Variants in CNTNAP2 observed in about 807,000 individuals in gnomAD.
CNTNAP2 encodes contactin-associated protein-like 2.
A neutral mutation model predicts 155.2 loss-of-function variants in CNTNAP2; 98 were observed. The observed-to-expected ratio is 0.63, with a 90% CI of 0.54 to 0.75. The LOEUF (loss-of-function observed/expected upper bound fraction) is 0.75. Ranked by LOEUF, CNTNAP2 falls within the 30% of genes least tolerant of loss-of-function variation. The pLI is 0.00. For missense variants in CNTNAP2, 1,727 were observed against 1,688.1 expected, an observed-to-expected ratio of 1.02 and a Z score of -0.40; for synonymous variants, 651 against 631.2, an observed-to-expected ratio of 1.03 and a Z score of -0.47.
intron 11 of CNTNAP2, among the ~76,000 whole-genome samples, chr7:147,549,911 A>T (rs141277550): frequency 1.3e-5 from 2 of 152,352 alleles, no homozygotes; most frequent in African/African-American, 4.8e-5. Flanking sequence ...CACATGCTGT[A>T]TAAAGCAATA....
At chr7:147,518,651 T>C (rs1437910270) in intron 11 of CNTNAP2, among the ~76,000 whole-genome samples, 1 of 152,250 alleles carries the variant, frequency 6.6e-6, no homozygotes, top group Non-Finnish European at 1.5e-5. Context: ...TGAACGAATG[T>C]AGCCAGGCTT....
intron 1 of CNTNAP2, among the ~76,000 whole-genome samples, chr7:146,544,396 C>A (rs1268948633): frequency 6.6e-6 from 1 of 151,974 alleles, no homozygotes; most frequent in East Asian, 1.9e-4. Context: ...AGGCCTTTGC[C>A]TTTAACAGCA....
chr7:146,657,772 A>C (rs1163578777), intron 1 of CNTNAP2, among the ~76,000 whole-genome samples: 1 of 152,158 alleles, frequency 6.6e-6, no homozygotes, highest in Admixed American at 6.5e-5. Context: ...CTTCATTGTC[A>C]AAAAGAGTCT....
chr7:148,096,278 CATGTGT>C (rs746676194), intron 15 of CNTNAP2, among the ~76,000 whole-genome samples: 6 of 119,170 alleles, frequency 5.0e-5, no homozygotes, highest in East Asian at 7.0e-4. Flanking sequence ...TGCATGCATG[CATGTGT>C]GTGTGTGTGT....
At position 147,380,742 on chromosome 7, in the gene CNTNAP2, A is replaced by G. The variant is rs571232388; in HGVS notation, c.1499-14867A>G. ...TAACAGAATACCAAAATATATAGTCATATATAGAAGCATTCCAAAGCTAAA... is the reference window on the plus strand; with the variant it reads ...TAACAGAATACCAAAATATATAGTCGTATATAGAAGCATTCCAAAGCTAAA... On this transcript the variant is annotated intron_variant, in intron 9 of 23. Transcript: ENST00000361727. 2.6e-5 allele frequency among the ~76,000 whole-genome samples: 4 copies of G among 152,274 alleles called. No homozygotes were observed. The East Asian group carries it at 7.7e-4, about 29-fold the overall frequency.
intron 13 of CNTNAP2, among the ~76,000 whole-genome samples, chr7:147,669,205 A>G (rs1325731806): frequency 6.6e-6 from 1 of 151,252 alleles, no homozygotes; most frequent in Non-Finnish European, 1.5e-5. Context: ...TTCTCAGAAC[A>G]TACCCCCACT....
intron 1 of CNTNAP2, among the ~76,000 whole-genome samples, chr7:146,611,659 A>G (rs1467824195): frequency 6.6e-6 from 1 of 152,092 alleles, no homozygotes; most frequent in Non-Finnish European, 1.5e-5. Context: ...TAGCAGTAAA[A>G]TTTTCTATTT....
intron 2 of CNTNAP2, among the ~76,000 whole-genome samples, chr7:146,812,091 G>C (rs1465214171): frequency 6.6e-6 from 1 of 152,098 alleles, no homozygotes; most frequent in East Asian, 1.9e-4. Flanking sequence ...ATAGATACCT[G>C]AAAATGTGGA....
chr7:146,764,402 A>C (rs1802159531), intron 1 of CNTNAP2, among the ~76,000 whole-genome samples: 1 of 152,126 alleles, frequency 6.6e-6, no homozygotes, highest in South Asian at 2.1e-4. Flanking sequence ...TGAAGTTATA[A>C]AATTAAAACT....
rs562418231 is a variant in CNTNAP2 at position 147,552,449 on chromosome 7, T to C, written c.1778-9689T>C. Among the ~76,000 whole-genome samples, 22 of 152,198 alleles carry C rather than the reference T, an allele frequency of 1.4e-4. No homozygotes were observed. The South Asian group carries it at 2.3e-3, about 16-fold the overall frequency. On this transcript the variant is annotated intron_variant, in intron 11 of 23. Transcript: ENST00000361727. ...GAATCATAGAATGACTTTAAATGAC[T>C]AAAGTTTGCATTTAGAATTAACACT...
At chr7:147,425,030 G>C (rs1797355255) in intron 10 of CNTNAP2, among the ~76,000 whole-genome samples, 1 of 151,932 alleles carries the variant, frequency 6.6e-6, no homozygotes, top group South Asian at 2.1e-4. Context: ...CCCATGCCCT[G>C]TCCCCATGGT....
chr7:146,215,156 T>C (rs558224658), intron 1 of CNTNAP2, among the ~76,000 whole-genome samples: 2 of 152,326 alleles, frequency 1.3e-5, no homozygotes, highest in South Asian at 4.1e-4. Context: ...CTGAACTACA[T>C]TTTAAAATTT....
At chr7:146,479,481 TAA>T (rs929537342) in intron 1 of CNTNAP2, among the ~76,000 whole-genome samples, 1 of 152,182 alleles carries the variant, frequency 6.6e-6, no homozygotes, top group Non-Finnish European at 1.5e-5. Flanking sequence ...TTTATGAATT[TAA>T]AACAGTTGCT....
intron 1 of CNTNAP2, among the ~76,000 whole-genome samples, chr7:146,764,580 A>G (rs1249805616): frequency 6.6e-6 from 1 of 151,982 alleles, no homozygotes; most frequent in Non-Finnish European, 1.5e-5. Flanking sequence ...ATTACAGTTC[A>G]GTAGATAATT....
intron 11 of CNTNAP2, among the ~76,000 whole-genome samples, chr7:147,523,767 C>T (rs1200334945): frequency 6.6e-6 from 1 of 152,210 alleles, no homozygotes; most frequent in Admixed American, 6.5e-5. Context: ...ACTCAATTCC[C>T]ATGCCTAGTT....
intron 3 of CNTNAP2, among the ~76,000 whole-genome samples, chr7:146,939,333 T>C (rs552645178): frequency 2.0e-5 from 3 of 152,188 alleles, no homozygotes; most frequent in Non-Finnish European, 4.4e-5. Flanking sequence ...TTTGTCCACA[T>C]CTATAACTAG....
chr7:148,295,581 T>C (rs188122793), intron 21 of CNTNAP2, among the ~76,000 whole-genome samples: 3,639 of 140,364 alleles, frequency 0.026, 233 homozygotes, highest in African/African-American at 0.095. Context: ...AAGCTCCGCC[T>C]CCCGGGTTCA....
intron 9 of CNTNAP2, among the ~76,000 whole-genome samples, chr7:147,316,100 C>T (rs1795228911): frequency 6.6e-6 from 1 of 151,836 alleles, no homozygotes; most frequent in South Asian, 2.1e-4. Flanking sequence ...ATATGTTTTT[C>T]TTTCTCTTGG....
chr7:146,484,473 TG>T (rs1797025700), intron 1 of CNTNAP2, among the ~76,000 whole-genome samples: 1 of 152,212 alleles, frequency 6.6e-6, no homozygotes, highest in South Asian at 2.1e-4. Flanking sequence ...TAAACTTTTT[TG>T]TTTATATTCA....
Sources: gnomAD v4.1 joint callset for allele counts (sites outside exome capture counted in the v4.1 genomes callset) on GRCh38, gnomAD v4.1.1 for gene constraint, MANE v1.5 for transcripts, NCBI Gene and HGNC (gene_info 2026-07-23, HGNC 2026-07-21) for gene names.